Variants in CSGALNACT1 observed in about 807,000 individuals in gnomAD.
CSGALNACT1 encodes chondroitin sulfate N-acetylgalactosaminyltransferase 1.
CSGALNACT1 carries 52 observed loss-of-function variants against 51.0 expected under a neutral mutation model. The observed-to-expected ratio is 1.02, with a 90% confidence interval of 0.82 to 1.29. The LOEUF (loss-of-function observed/expected upper bound fraction) is 1.29. CSGALNACT1 is among the 50% of genes most tolerant of loss of function. The pLI, the probability that CSGALNACT1 is intolerant of heterozygous loss-of-function variation, is 0.00. For synonymous variants in CSGALNACT1, 341 were observed against 254.4 expected, an observed-to-expected ratio of 1.34 and a Z score of -3.24; for missense variants, 935 against 679.2, an observed-to-expected ratio of 1.38 and a Z score of -4.19.
intron 8 of CSGALNACT1, among the ~76,000 whole-genome samples, chr8:19,408,997 G>C (rs2055015155): frequency 1.0e-5 from 1 of 99,380 alleles, no homozygotes; most frequent in Non-Finnish European, 2.4e-5. Flanking sequence ...CAAAAACCGG[G>C]AGAGCCAGTC....
intron 3 of CSGALNACT1, among the ~76,000 whole-genome samples, chr8:19,524,793 C>T (rs992038001): frequency 2.0e-5 from 3 of 152,138 alleles, no homozygotes; most frequent in African/African-American, 7.2e-5. Flanking sequence ...TTTCCAGCTT[C>T]CCCGCTCAAT....
At chr8:19,714,913 T>G (rs1246002257) in intron 1 of CSGALNACT1, among the ~76,000 whole-genome samples, 1 of 152,206 alleles carries the variant, frequency 6.6e-6, no homozygotes, top group Non-Finnish European at 1.5e-5. Context: ...ATCCACATCC[T>G]CCTTCCATCC....
chr8:19,508,570 T>C (rs150939920), intron 3 of CSGALNACT1, among the ~76,000 whole-genome samples: 81 of 152,352 alleles, frequency 5.3e-4, no homozygotes, highest in African/African-American at 1.9e-3. Context: ...CTGTTTCTAA[T>C]GAAGTCTCTT....
At chr8:19,634,386 A>G (rs1350080552) in intron 1 of CSGALNACT1, among the ~76,000 whole-genome samples, 1 of 152,156 alleles carries the variant, frequency 6.6e-6, no homozygotes, top group African/African-American at 2.4e-5. Flanking sequence ...ACAAGAGGCC[A>G]GGTGTGGTGG....
chr8:19,746,797 G>A (rs1384459658), intron 1 of CSGALNACT1, among the ~76,000 whole-genome samples: 1 of 152,150 alleles, frequency 6.6e-6, no homozygotes, highest in Non-Finnish European at 1.5e-5. Context: ...TCTAGCTCAT[G>A]TACATTAAAT....
chr8:19,636,701 G>A (rs1564316731), intron 1 of CSGALNACT1, among the ~76,000 whole-genome samples: 2 of 152,210 alleles, frequency 1.3e-5, no homozygotes, highest in East Asian at 3.9e-4. Context: ...GTGAGAACTT[G>A]GTAACATCCT....
At chr8:19,558,622 CTT>C (rs1275753119) in intron 3 of CSGALNACT1, among the ~76,000 whole-genome samples, 1 of 152,118 alleles carries the variant, frequency 6.6e-6, no homozygotes, top group Non-Finnish European at 1.5e-5. Flanking sequence ...ACTTAAAAGA[CTT>C]ATTTTTTGCT....
chr8:19,737,701 T>A (rs2064070973), intron 1 of CSGALNACT1, among the ~76,000 whole-genome samples: 1 of 152,084 alleles, frequency 6.6e-6, no homozygotes, highest in Non-Finnish European at 1.5e-5. Flanking sequence ...GTAATCACAA[T>A]AAATGTAAAT....
intron 3 of CSGALNACT1, among the ~76,000 whole-genome samples, chr8:19,553,975 A>G (rs1423278641): frequency 6.6e-6 from 1 of 152,022 alleles, no homozygotes; most frequent in Non-Finnish European, 1.5e-5. Flanking sequence ...ATCTTTCAGA[A>G]TAGAGAAAAA....
chr8:19,425,881 G>A (rs1055739929), intron 6 of CSGALNACT1, among the ~76,000 whole-genome samples: 3 of 152,074 alleles, frequency 2.0e-5, no homozygotes, highest in African/African-American at 7.2e-5. Flanking sequence ...CGGTCTTTAA[G>A]GCCCATGTCA....
chr8:19,450,874 C>A (rs909901099), intron 5 of CSGALNACT1, among the ~76,000 whole-genome samples: 1 of 151,546 alleles, frequency 6.6e-6, no homozygotes, highest in African/African-American at 2.4e-5. Context: ...GGCACCACTG[C>A]ACACCAGACT....
chr8:19,445,432 G>A (rs971900365), intron 5 of CSGALNACT1, among the ~76,000 whole-genome samples: 6 of 152,162 alleles, frequency 3.9e-5, no homozygotes, highest in East Asian at 3.8e-4. Flanking sequence ...TCCATTCAAA[G>A]AACTTCCTGT....
At chr8:19,701,170 T>TTTTTTTTC (rs2061855790) in intron 1 of CSGALNACT1, among the ~76,000 whole-genome samples, 2 of 144,700 alleles carry the variant, frequency 1.4e-5, no homozygotes, top group South Asian at 4.8e-4. Context: ...TTTTTTTTTT[T>TTTTTTTTC]TTTGATACAG....
intron 6 of CSGALNACT1, among the ~76,000 whole-genome samples, chr8:19,425,308 T>C (rs1563328322): frequency 6.6e-6 from 1 of 152,198 alleles, no homozygotes; most frequent in Non-Finnish European, 1.5e-5. Flanking sequence ...GCCATTGTGC[T>C]CTAACTTGGG....
chr8:19,628,021 C>T (rs1564294013), intron 1 of CSGALNACT1, among the ~76,000 whole-genome samples: 1 of 151,988 alleles, frequency 6.6e-6, no homozygotes, highest in Non-Finnish European at 1.5e-5. Context: ...TCTTGCGAGT[C>T]TAAAATGATT....
upstream of CSGALNACT1, among the ~76,000 whole-genome samples, chr8:19,603,913 GA>G (rs2050964227): frequency 6.6e-6 from 1 of 151,732 alleles, no homozygotes; most frequent in Non-Finnish European, 1.5e-5. Context: ...CCAGCAACTT[GA>G]AGAACTGTTC....
At chr8:19,535,187 G>C (rs1190686969) in intron 3 of CSGALNACT1, among the ~76,000 whole-genome samples, 1 of 151,504 alleles carries the variant, frequency 6.6e-6, no homozygotes, top group Non-Finnish European at 1.5e-5. Context: ...ACATATAAAT[G>C]ACAACATTTG....
At chr8:19,633,055 T>C (rs1365223518) in intron 1 of CSGALNACT1, among the ~76,000 whole-genome samples, 1 of 151,576 alleles carries the variant, frequency 6.6e-6, no homozygotes, top group Non-Finnish European at 1.5e-5. Context: ...AGTGTCAAAA[T>C]GCTGAGCCAC....
chr8:19,466,273 C>T (rs542096471), intron 4 of CSGALNACT1, among the ~76,000 whole-genome samples: 33 of 152,188 alleles, frequency 2.2e-4, no homozygotes, highest in Non-Finnish European at 2.9e-4. Flanking sequence ...CAAAACACTA[C>T]TTTCTTTTAA....
Sources: allele counts gnomAD v4.1 joint callset (sites outside exome capture counted in the v4.1 genomes callset), GRCh38; gene constraint gnomAD v4.1.1; transcripts MANE v1.5; gene names NCBI Gene and HGNC (gene_info 2026-07-23, HGNC 2026-07-21).